The following GNA14 variants were observed in gnomAD, a reference collection of about 807,000 sequenced individuals.
The protein encoded by GNA14 is G protein subunit alpha 14, also known as guanine nucleotide-binding protein subunit alpha-14.
GNA14 carries 50 observed loss-of-function variants against 42.0 expected under a neutral mutation model. That is an observed-to-expected ratio of 1.19 (90% CI 0.95 to 1.51). The LOEUF (loss-of-function observed/expected upper bound fraction) is 1.51, where lower values mean the gene tolerates loss of function less well. Among genes scored for constraint, GNA14 ranks in the 40% most tolerant of loss-of-function variants. The pLI is 0.00. For synonymous variants in GNA14, 173 were observed against 163.1 expected (o/e 1.06, Z -0.46); for missense variants, 473 against 446.2 (o/e 1.06, Z -0.54).
At chr9:77,582,972 A>G (rs1174696133) in intron 1 of GNA14, among the ~76,000 whole-genome samples, 2 of 152,208 alleles carry the variant, frequency 1.3e-5, no homozygotes. Flanking sequence ...TCACACCTGT[A>G]CCCAGCTATG....
chr9:77,617,820 T>A (rs1028897994), intron 1 of GNA14, among the ~76,000 whole-genome samples: 1 of 152,120 alleles, frequency 6.6e-6, no homozygotes, highest in Non-Finnish European at 1.5e-5. Context: ...AGTCACTTCC[T>A]GGTACATTGT....
At chr9:77,599,734 C>A (rs998690817) in intron 1 of GNA14, among the ~76,000 whole-genome samples, 4 of 152,152 alleles carry the variant, frequency 2.6e-5, no homozygotes, top group Non-Finnish European at 5.9e-5. Context: ...TGCCGTCGGG[C>A]CTCCTTCAAT....
At chr9:77,628,689 AG>A (rs1255901640) in intron 1 of GNA14, among the ~76,000 whole-genome samples, 3 of 152,228 alleles carry the variant, frequency 2.0e-5, no homozygotes, top group Admixed American at 1.3e-4. Flanking sequence ...AGCCATATGC[AG>A]AAAACTGAAA....
Position 77,524,797 on chromosome 9 carries a change from T to TA in GNA14, c.309+4271dup, listed in dbSNP as rs571974108. On this transcript the variant is annotated intron_variant, in intron 2 of 6. Coordinates refer to ENST00000341700, the MANE Select transcript of GNA14 (RefSeq NM_004297.4). ...TGATGAAAATGACCTAAACAAGTAA[T>TA]AAAAAAAATGAGCTTATTTCTGATT... Among the ~76,000 whole-genome samples the TA allele has an allele frequency of 3.7e-4, 56 of 151,818 alleles. 1 individual carries two copies. The highest frequency in any genetic ancestry group is 2.0e-3 in the Admixed American group (30 of 15,260).
chr9:77,447,277 G>A (rs1835835682), intron 2 of GNA14, among the ~76,000 whole-genome samples: 1 of 152,144 alleles, frequency 6.6e-6, no homozygotes, highest in Admixed American at 6.5e-5. Flanking sequence ...CTACTTATCT[G>A]TTATATATCC....
At chr9:77,478,402 C>A (rs562003278) in intron 2 of GNA14, among the ~76,000 whole-genome samples, 71 of 152,224 alleles carry the variant, frequency 4.7e-4, no homozygotes, top group African/African-American at 1.6e-3. Flanking sequence ...GTATATGTGC[C>A]ACATTTTCTT....
intron 1 of GNA14, among the ~76,000 whole-genome samples, chr9:77,531,441 G>A (rs1157272637): frequency 1.3e-5 from 2 of 152,278 alleles, no homozygotes; most frequent in African/African-American, 4.8e-5. Flanking sequence ...GTCCAAGCTT[G>A]ATTCAAAGTC....
chr9:77,431,214 G>T, intron 4 of GNA14, 107 bp downstream of exon 4: 1 of 1,075,460 alleles, frequency 9.3e-7, no homozygotes, highest in Non-Finnish European at 1.4e-6. Flanking sequence ...GGGTCACTCT[G>T]TCCTAAGAGA....
At chr9:77,532,635 G>C (rs766030289) in intron 1 of GNA14, among the ~76,000 whole-genome samples, 6 of 152,226 alleles carry the variant, frequency 3.9e-5, no homozygotes, top group Non-Finnish European at 8.8e-5. Context: ...ATGATTTTTA[G>C]AGTGAAAATT....
intron 2 of GNA14, among the ~76,000 whole-genome samples, chr9:77,489,011 A>G (rs1421016223): frequency 6.6e-6 from 1 of 152,150 alleles, no homozygotes; most frequent in Non-Finnish European, 1.5e-5. Context: ...TTTTAAAGAC[A>G]CTCAGTGATC....
At chr9:77,428,090 T>A (rs922251960) in intron 5 of GNA14, among the ~76,000 whole-genome samples, 1 of 148,196 alleles carries the variant, frequency 6.7e-6, no homozygotes, top group Non-Finnish European at 1.5e-5. Flanking sequence ...TTTCTTTTTT[T>A]TTTTTTGAGA....
At chr9:77,486,033 C>T (rs1836654793) in intron 2 of GNA14, among the ~76,000 whole-genome samples, 1 of 152,206 alleles carries the variant, frequency 6.6e-6, no homozygotes, top group Non-Finnish European at 1.5e-5. Context: ...CTTTGAAGCA[C>T]TGAACCCAGG....
At chr9:77,561,211 C>T (rs1242058177) in intron 1 of GNA14, among the ~76,000 whole-genome samples, 1 of 152,168 alleles carries the variant, frequency 6.6e-6, no homozygotes, top group Non-Finnish European at 1.5e-5. Context: ...CAAGGCTGAA[C>T]CAGGAAATAA....
chr9:77,607,018 C>G (rs1823654073), intron 1 of GNA14, among the ~76,000 whole-genome samples: 1 of 152,152 alleles, frequency 6.6e-6, no homozygotes, highest in Admixed American at 6.5e-5. Flanking sequence ...TGGTGGCACT[C>G]TGATCTCAGA....
chr9:77,542,246 A>T (rs10120891), intron 1 of GNA14, among the ~76,000 whole-genome samples: 73,193 of 151,986 alleles, frequency 0.48, 18,359 homozygotes, highest in Admixed American at 0.57. Flanking sequence ...ATATGGCACT[A>T]TGGCTTTGAT....
intron 2 of GNA14, among the ~76,000 whole-genome samples, chr9:77,511,351 C>A (rs1837165811): frequency 1.3e-5 from 2 of 152,114 alleles, no homozygotes; most frequent in Admixed American, 1.3e-4. Flanking sequence ...GTTCCTAAAC[C>A]TGCATAGAAA....
intron 2 of GNA14, among the ~76,000 whole-genome samples, chr9:77,461,160 C>G (rs1836097618): frequency 6.6e-6 from 1 of 152,186 alleles, no homozygotes; most frequent in Non-Finnish European, 1.5e-5. Context: ...CCGCGGAGGG[C>G]TGCAGGGGGT....
chr9:77,643,655 A>G (rs1469239640), intron 1 of GNA14, among the ~76,000 whole-genome samples: 1 of 152,228 alleles, frequency 6.6e-6, no homozygotes, highest in African/African-American at 2.4e-5. Flanking sequence ...AACCAATCCA[A>G]TAAAACTTTT....
At chr9:77,469,758 G>A (rs1836296647) in intron 2 of GNA14, among the ~76,000 whole-genome samples, 1 of 152,182 alleles carries the variant, frequency 6.6e-6, no homozygotes. Context: ...AGGCTATAAA[G>A]AGACAGTCTT....
Sources: gnomAD v4.1 joint callset for allele counts (sites outside exome capture counted in the v4.1 genomes callset) on GRCh38, gnomAD v4.1.1 for gene constraint, MANE v1.5 for transcripts, NCBI Gene and HGNC (gene_info 2026-07-23, HGNC 2026-07-21) for gene names.